NAV1: variants seen among roughly 807,000 people sequenced by gnomAD.
NAV1 encodes the protein neuron navigator 1.
In NAV1, 18 loss-of-function variants were observed where a neutral mutation model predicts 175.2. That is an observed-to-expected ratio of 0.10 (90% confidence interval 0.07 to 0.15). NAV1 has a LOEUF of 0.15. Ranked by LOEUF, NAV1 falls within the 10% of genes least tolerant of loss-of-function variation. The pLI is 1.00. For synonymous variants in NAV1, 897 were observed against 978.7 expected (o/e 0.92, Z 1.56); for missense variants, 1,731 against 2,436.6 (o/e 0.71, Z 6.10).
intron 17 of NAV1, among the ~76,000 whole-genome samples, chr1:201,805,835 T>C (rs1290092614): frequency 1.3e-5 from 2 of 152,172 alleles, no homozygotes; most frequent in African/African-American, 4.8e-5. Flanking sequence ...GGTGGGAGGA[T>C]AGCTTGAGCC....
At chr1:201,721,432 GTGT>G (rs988711923) in intron 3 of NAV1, among the ~76,000 whole-genome samples, 3 of 152,228 alleles carry the variant, frequency 2.0e-5, no homozygotes, top group African/African-American at 4.8e-5. Flanking sequence ...TCATGGTTAA[GTGT>G]TGTTGTTGTT....
intron 1 of NAV1, among the ~76,000 whole-genome samples, chr1:201,555,268 A>G (rs1450931119): frequency 1.3e-5 from 2 of 152,200 alleles, no homozygotes; most frequent in South Asian, 2.1e-4. Flanking sequence ...GAATGAGGCA[A>G]TCCTTTGTCA....
chr1:201,617,333 A>G (rs1188904807), intron 2 of NAV1, among the ~76,000 whole-genome samples: 1 of 151,928 alleles, frequency 6.6e-6, no homozygotes, highest in Non-Finnish European at 1.5e-5. Flanking sequence ...CTACCCCTAA[A>G]CTTCTGCCCT....
Position 201,813,083 on chromosome 1 carries a change from C to T in NAV1, c.5222-57C>T. On this transcript the variant is annotated intron_variant, in intron 27 of 29. Coordinates refer to ENST00000367296, the Ensembl canonical transcript of NAV1. The surrounding 1 kb of genome is among the most constrained non-coding windows in gnomAD (Gnocchi z 4.2). ...CTGGTACTAAGGAGTAAAAGAGGCA[C>T]ACAACCGGGAAGATCTAGGTTCCCA... 2 of 1,288,606 alleles carry T rather than the reference C, an allele frequency of 1.6e-6. No homozygotes were observed. 79.8% of individuals were successfully genotyped at this position (1,288,606 alleles called of 1,614,324 possible). A position where few individuals can be genotyped will look rare whatever the true frequency, so the allele number is the denominator to read the frequency against.
chr1:201,568,111 T>A (rs1392234270), intron 1 of NAV1, among the ~76,000 whole-genome samples: 1 of 152,160 alleles, frequency 6.6e-6, no homozygotes, highest in Non-Finnish European at 1.5e-5. Flanking sequence ...GCGGGCATCC[T>A]GGGCTGACAA....
chr1:201,678,314 G>C (rs191973379), intron 1 of NAV1, among the ~76,000 whole-genome samples: 42 of 152,348 alleles, frequency 2.8e-4, no homozygotes, highest in Admixed American at 2.4e-3. Flanking sequence ...TTTCCTGAAA[G>C]CTGCTGATAG....
intron 1 of NAV1, among the ~76,000 whole-genome samples, chr1:201,558,522 G>A (rs998382885): frequency 2.0e-4 from 30 of 152,100 alleles, no homozygotes; most frequent in Non-Finnish European, 3.7e-4. Flanking sequence ...GCACAATCTC[G>A]GCTCACTGCA....
intron 2 of NAV1, among the ~76,000 whole-genome samples, chr1:201,600,352 G>A (rs651387): frequency 0.13 from 19,173 of 152,200 alleles, 1,749 homozygotes; most frequent in East Asian, 0.4. Context: ...TAACCCCAAC[G>A]ACTTCTCCTT....
chr1:201,718,813 C>T lies in NAV1; in HGVS notation c.1226+58C>T, dbSNP rs555849082. 54 of 1,546,344 alleles carry T rather than the reference C, an allele frequency of 3.5e-5. No individual in the cohort carries two copies. The highest frequency in any genetic ancestry group is 1.4e-4 in the African/African-American group (10 of 73,394). ...GGATGGTGGAAAGACCACTGGGATG[C>T]GACGCCTTAAAAGTGGAGTGGAACC... On this transcript the variant is annotated intron_variant, in intron 3 of 29. Transcript: ENST00000367296. This position sits in a 1 kb window ranked among gnomAD's most constrained non-coding sequence, Gnocchi z 4.8.
At chr1:201,562,956 C>G (rs73082565) in intron 1 of NAV1, among the ~76,000 whole-genome samples, 1 of 152,120 alleles carries the variant, frequency 6.6e-6, no homozygotes, top group Non-Finnish European at 1.5e-5. Context: ...TGATAACAGC[C>G]TAGGACGGTG....
chr1:201,783,468 A>G (rs1558159814), exon 7 of NAV1: 27 of 1,614,164 alleles, frequency 1.7e-5, no homozygotes, highest in South Asian at 2.2e-5. Flanking sequence ...GTCAACTCCA[A>G]CAGTCTGGAT....
intron 1 of NAV1, among the ~76,000 whole-genome samples, chr1:201,701,490 C>T (rs1671423947): frequency 6.6e-6 from 1 of 151,944 alleles, no homozygotes; most frequent in Admixed American, 6.6e-5. Context: ...AAGAGTGCTC[C>T]AAGGTGGTGG....
At chr1:201,712,460 T>C (rs1394629272) in intron 1 of NAV1, among the ~76,000 whole-genome samples, 1 of 152,174 alleles carries the variant, frequency 6.6e-6, no homozygotes, top group East Asian at 1.9e-4. Flanking sequence ...ATGTTCCAGC[T>C]CATCTCAACC....
At chr1:201,642,210 T>TTCCTTCCTTCCA (rs1668787763) in intron 2 of NAV1, among the ~76,000 whole-genome samples, 1 of 140,430 alleles carries the variant, frequency 7.1e-6, no homozygotes, top group Non-Finnish European at 1.5e-5. Context: ...CCTTTCTTCC[T>TTCCTTCCTTCCA]TCCCTCCTTT....
At chr1:201,555,998 T>G (rs1050874943) in intron 1 of NAV1, among the ~76,000 whole-genome samples, 5 of 152,106 alleles carry the variant, frequency 3.3e-5, no homozygotes, top group African/African-American at 4.8e-5. Context: ...GGATTTCAGG[T>G]CCGAAAGTGG....
chr1:201,767,164 G>A (rs3127545), intron 3 of NAV1, among the ~76,000 whole-genome samples: 68,359 of 149,812 alleles, frequency 0.46, 15,578 homozygotes, highest in African/African-American at 0.5. Flanking sequence ...TTAAAAAAGT[G>A]AAACAAAGGC....
intron 2 of NAV1, 85 bp downstream of exon 4, chr1:201,629,592 C>A: frequency 1.2e-6 from 1 of 843,300 alleles, no homozygotes; most frequent in South Asian, 1.6e-5. Flanking sequence ...GTGACCTAGG[C>A]TGGATGGGTC....
intron 2 of NAV1, among the ~76,000 whole-genome samples, chr1:201,605,552 T>C (rs891125587): frequency 6.6e-6 from 1 of 152,122 alleles, no homozygotes; most frequent in Non-Finnish European, 1.5e-5. Context: ...AACTCTAGCA[T>C]AGAGGCATTC....
chr1:201,703,254 G>T (rs1374325414), intron 1 of NAV1, among the ~76,000 whole-genome samples: 1 of 152,222 alleles, frequency 6.6e-6, no homozygotes, highest in Non-Finnish European at 1.5e-5. Flanking sequence ...GGGCAGGAAA[G>T]TCAAGGCCTG....
Sources: gnomAD v4.1 joint callset for allele counts (sites outside exome capture counted in the v4.1 genomes callset) on GRCh38, gnomAD v4.1.1 for gene constraint, Gnocchi (gnomAD v3.1) non-coding constraint, MANE v1.5 for transcripts, NCBI Gene and HGNC (gene_info 2026-07-23, HGNC 2026-07-21) for gene names.